The following ZNF385D variants were observed in gnomAD, a reference collection of about 807,000 sequenced individuals.
ZNF385D encodes zinc finger protein 659.
A neutral mutation model predicts 35.8 loss-of-function variants in ZNF385D; 15 were observed. The observed-to-expected ratio is 0.42, with a 90% CI of 0.28 to 0.64. The LOEUF (loss-of-function observed/expected upper bound fraction) is 0.64, where lower values mean the gene tolerates loss of function less well. Ranked by LOEUF, ZNF385D falls within the 30% of genes least tolerant of loss-of-function variation. The probability of loss-of-function intolerance (pLI) is 0.23; values close to 1 mark genes in which losing one functional copy is unlikely to be tolerated. For missense variants in ZNF385D, 474 were observed against 494.6 expected (o/e 0.96, Z 0.39); for synonymous variants, 212 against 186.8 (o/e 1.13, Z -1.10).
intron 3 of ZNF385D, among the ~76,000 whole-genome samples, chr3:21,815,092 G>C (rs1387485864): frequency 6.6e-6 from 1 of 152,028 alleles, no homozygotes; most frequent in Admixed American, 6.6e-5. Flanking sequence ...TACTGGGTAC[G>C]TAACGAAATG....
chr3:21,851,554 T>C (rs1390730003), intron 3 of ZNF385D, among the ~76,000 whole-genome samples: 1 of 152,156 alleles, frequency 6.6e-6, no homozygotes, highest in East Asian at 1.9e-4. Context: ...CAAATTATAG[T>C]ATATTCACTT....
chr3:21,580,269 A>T (rs1399202861), intron 2 of ZNF385D, among the ~76,000 whole-genome samples: 2 of 152,214 alleles, frequency 1.3e-5, no homozygotes, highest in Non-Finnish European at 2.9e-5. Context: ...CCAAGGGTCT[A>T]GGAAGAAGAA....
chr3:22,253,676 G>A (rs1700171920), intron 2 of ZNF385D, among the ~76,000 whole-genome samples: 1 of 151,812 alleles, frequency 6.6e-6, no homozygotes, highest in Non-Finnish European at 1.5e-5. Flanking sequence ...GTTATTCTGG[G>A]ATTTTGTCAG....
rs532314144 is a variant in ZNF385D at position 22,360,961 on chromosome 3, A to G, written c.106+11489T>C. ...GCGACCTCTCTAGAGATCAATCACTATTATTACCCAAACCTTTTGTTATTC... is the reference window on the plus strand; with the variant it reads ...GCGACCTCTCTAGAGATCAATCACTGTTATTACCCAAACCTTTTGTTATTC... On this transcript the variant is annotated intron_variant, in intron 2 of 5. Coordinates refer to the ZNF385D transcript ENST00000494108. Among the ~76,000 whole-genome samples the G allele has an allele frequency of 5.9e-5, 9 of 152,176 alleles. No homozygotes were observed. The East Asian group carries it at 1.4e-3, about 23-fold the overall frequency.
At chr3:22,149,919 T>C (rs758989053) in intron 3 of ZNF385D, among the ~76,000 whole-genome samples, 9 of 152,188 alleles carry the variant, frequency 5.9e-5, no homozygotes, top group Non-Finnish European at 8.8e-5. Flanking sequence ...TCCAGAAATC[T>C]CATAAGCTCT....
rs2069037178 is a variant in ZNF385D, at chr3:21,732,055, T to G, written c.22+18840A>C. Among the ~76,000 whole-genome samples the G allele has an allele frequency of 8.6e-5, 7 of 81,314 alleles. 1 individual carries two copies. Among genetic ancestry groups the G allele is most frequent in the Non-Finnish European group, 1.5e-4 (6 of 38,734 alleles). The allele number at this position is 81,314 out of a possible 152,430, so 53.3% of individuals were successfully genotyped here. On this transcript the variant is annotated intron_variant, in intron 1 of 7. Coordinates refer to ENST00000281523, the MANE Select transcript of ZNF385D (RefSeq NM_024697.3). ...GTTTTTTTTTTTTTTTTTTTTTTTT[T>G]TTTTTTTTTTTTTTGAGAACGGAGT...
chr3:21,760,299 T>C (rs1024529491), intron 3 of ZNF385D, among the ~76,000 whole-genome samples: 3 of 152,182 alleles, frequency 2.0e-5, no homozygotes, highest in East Asian at 3.9e-4. Flanking sequence ...TGCACAGCCA[T>C]ACGTGAATAC....
intron 2 of ZNF385D, among the ~76,000 whole-genome samples, chr3:22,284,417 C>T (rs1259568845): frequency 6.6e-6 from 1 of 151,956 alleles, no homozygotes; most frequent in Non-Finnish European, 1.5e-5. Context: ...GTCTCGATCT[C>T]CTGACCTTGT....
chr3:21,713,209 G>A lies in ZNF385D; in HGVS notation c.22+37686C>T, dbSNP rs13326250. ...TCACCAACCTCAAAGGAAGTGCAAA[G>A]AACAAGAAGAGCCAGCAGTGTACAA... On this transcript the variant is annotated intron_variant, in intron 1 of 7. Coordinates refer to ENST00000281523, the MANE Select transcript of ZNF385D (RefSeq NM_024697.3). Among the ~76,000 whole-genome samples, 1,225 of 152,280 alleles carry A rather than the reference G, an allele frequency of 8.0e-3. 19 individuals carry two copies. The highest frequency in any genetic ancestry group is 0.028 in the African/African-American group (1,145 of 41,554).
intron 3 of ZNF385D, among the ~76,000 whole-genome samples, chr3:22,114,637 A>C (rs1227264534): frequency 6.6e-6 from 1 of 151,984 alleles, no homozygotes; most frequent in Non-Finnish European, 1.5e-5. Context: ...ATTAGAAGAC[A>C]ATTTGTGTGG....
At chr3:21,565,904 A>C (rs2063129074) in intron 2 of ZNF385D, among the ~76,000 whole-genome samples, 1 of 152,184 alleles carries the variant, frequency 6.6e-6, no homozygotes, top group African/African-American at 2.4e-5. Flanking sequence ...TCTGTGACAT[A>C]TTATAGTTCA....
intron 3 of ZNF385D, among the ~76,000 whole-genome samples, chr3:22,003,638 G>A (rs776727597): frequency 2.0e-4 from 31 of 152,124 alleles, no homozygotes; most frequent in Middle Eastern, 3.2e-3. Flanking sequence ...AGGCCAAGGT[G>A]AGTGGATCAC....
At chr3:22,071,862 G>T (rs1294785450) in intron 3 of ZNF385D, among the ~76,000 whole-genome samples, 2 of 152,004 alleles carry the variant, frequency 1.3e-5, no homozygotes, top group African/African-American at 2.4e-5. Context: ...CTGTGGCTGG[G>T]GCATTTGATG....
rs1698250032 is a variant in ZNF385D at position 22,035,350 on chromosome 3, C to T, written c.325+133467G>A. 2.0e-5 allele frequency among the ~76,000 whole-genome samples: 3 copies of T among 152,106 alleles called. No individual in the cohort carries two copies. The South Asian group carries it at 6.2e-4, about 31-fold the overall frequency. ...CCCATCTAGCAATATCTTCTCCTGT[C>T]TTTTAAAAGATATTTTGAATGTTAA... On this transcript the variant is annotated intron_variant, in intron 3 of 5. Coordinates refer to the ZNF385D transcript ENST00000494108.
At chr3:21,844,764 C>A (rs1048884724) in intron 3 of ZNF385D, among the ~76,000 whole-genome samples, 1 of 151,902 alleles carries the variant, frequency 6.6e-6, no homozygotes, top group Admixed American at 6.6e-5. Context: ...CTACCTGATG[C>A]TAGTATTTTC....
chr3:22,335,882 A>G (rs866230060), intron 2 of ZNF385D, among the ~76,000 whole-genome samples: 1 of 152,160 alleles, frequency 6.6e-6, no homozygotes, highest in Admixed American at 6.5e-5. Context: ...CCAAAATAAG[A>G]ACACTAAGTA....
intron 2 of ZNF385D, among the ~76,000 whole-genome samples, chr3:22,297,506 G>T (rs1702654077): frequency 6.6e-6 from 1 of 152,098 alleles, no homozygotes; most frequent in East Asian, 1.9e-4. Context: ...CTTATAGAGA[G>T]AAGGGGGCAT....
At chr3:21,549,404 C>T (rs773269186) in intron 3 of ZNF385D, among the ~76,000 whole-genome samples, 10 of 152,164 alleles carry the variant, frequency 6.6e-5, no homozygotes, top group Non-Finnish European at 1.5e-4. Flanking sequence ...TTGCTCTGTC[C>T]TTCTGTTCAG....
intron 3 of ZNF385D, among the ~76,000 whole-genome samples, chr3:22,162,827 CAG>C (rs758266000): frequency 1.3e-5 from 2 of 152,114 alleles, no homozygotes; most frequent in South Asian, 4.1e-4. Flanking sequence ...GATGAACCTT[CAG>C]AGAGAGAGGA....
Sources: gnomAD v4.1 joint callset for allele counts (sites outside exome capture counted in the v4.1 genomes callset) on GRCh38, gnomAD v4.1.1 for gene constraint, MANE v1.5 for transcripts, NCBI Gene and HGNC (gene_info 2026-07-23, HGNC 2026-07-21) for gene names.